EXD3: variants seen among roughly 807,000 people sequenced by gnomAD.
The protein encoded by EXD3 is exonuclease mut-7 homolog.
EXD3 carries 92 observed loss-of-function variants against 98.0 expected under a neutral mutation model. The observed-to-expected ratio is 0.94, with a 90% CI of 0.79 to 1.12. The LOEUF is 1.12. Ranked by LOEUF, EXD3 falls within the 50% of genes most tolerant of loss-of-function variation. The pLI is 0.00. For missense variants in EXD3, 1,222 were observed against 1,191.6 expected, an observed-to-expected ratio of 1.03 and a Z score of -0.38; for synonymous variants, 569 against 526.0, an observed-to-expected ratio of 1.08 and a Z score of -1.12.
At position 137,332,580 on chromosome 9, in the gene EXD3, A is replaced by C. The variant is rs375075205; in HGVS notation, c.1999-8437T>G. On this transcript the variant is annotated intron_variant, in intron 17 of 21. Transcript: ENST00000340951. ...TGGTATTGGCCAGGCGCAGTGGCTC[A>C]CGCCTGTAATCCCAGCACTTTGGGA... Among the ~76,000 whole-genome samples the C allele has an allele frequency of 2.9e-3, 440 of 150,448 alleles. 2 individuals carry two copies. The highest frequency in any genetic ancestry group is 0.024 in the East Asian group (121 of 5,094).
At chr9:137,315,842 G>A (rs1831619693) in intron 19 of EXD3, among the ~76,000 whole-genome samples, 1 of 151,810 alleles carries the variant, frequency 6.6e-6, no homozygotes, top group Non-Finnish European at 1.5e-5. Flanking sequence ...CCTGCCTTGG[G>A]TCAAACCAAA....
chr9:137,368,090 T>C (rs1306977786), intron 5 of EXD3, 101 bp from the exon 6 acceptor site: 4 of 988,562 alleles, frequency 4.0e-6, no homozygotes, highest in East Asian at 5.2e-5. Context: ...ACCTGGTCAC[T>C]GAGGCCGGAG....
At position 137,324,227 on chromosome 9, in the gene EXD3, C is replaced by A; in HGVS notation, c.1999-84G>T. Reference sequence around the variant, plus strand: ...CACCTCTGCTCGCCACCCCCTAGCTCCCCGGATCGTGGCCCTGCCCCAGGC... The same window carrying A: ...CACCTCTGCTCGCCACCCCCTAGCTACCCGGATCGTGGCCCTGCCCCAGGC... On this transcript the variant is annotated intron_variant, in intron 17 of 21. Transcript: ENST00000340951. This position sits in a 1 kb window ranked among gnomAD's most constrained non-coding sequence, Gnocchi z 4.1. 1 of 1,230,064 alleles carries A rather than the reference C, an allele frequency of 8.1e-7. No homozygotes were observed. The highest frequency in any genetic ancestry group is 1.2e-6 in the Non-Finnish European group (1 of 866,392). 76.2% of individuals were successfully genotyped at this position (1,230,064 alleles called of 1,614,324 possible). A position where few individuals can be genotyped will look rare whatever the true frequency, so the allele number is the denominator to read the frequency against.
chr9:137,348,329 ACT>A, intron 16 of EXD3, 91 bp from the exon 17 acceptor site: 1 of 1,333,504 alleles, frequency 7.5e-7, no homozygotes, highest in Non-Finnish European at 1.0e-6. Context: ...TGTGGCCAGC[ACT>A]CTGTCTCTGT....
At chr9:137,314,419 C>T (rs1831529817) in intron 19 of EXD3, among the ~76,000 whole-genome samples, 2 of 152,176 alleles carry the variant, frequency 1.3e-5, no homozygotes, top group South Asian at 4.1e-4. Context: ...CCCCTGGCCC[C>T]TGGGGAGGTG....
chr9:137,354,639 G>A lies in EXD3; in HGVS notation c.831+61C>T, dbSNP rs369068851. 1.8e-3 allele frequency: 2,842 copies of A among 1,601,142 alleles called. 5 individuals carry two copies. The highest frequency in any genetic ancestry group is 2.3e-3 in the Non-Finnish European group (2,712 of 1,178,006). On this transcript the variant is annotated intron_variant, in intron 9 of 21. Transcript: ENST00000340951. ...CTGCAGTGCGCAGTGAGTATCCCAG[G>A]CCAAACTCTGTGGCTCAGGCCGCGG...
intron 17 of EXD3, among the ~76,000 whole-genome samples, chr9:137,328,588 G>T (rs1378515349): frequency 1.0e-4 from 2 of 19,902 alleles, no homozygotes; most frequent in Admixed American, 3.9e-4. Context: ...GGAGCTACAC[G>T]GGACTACACG....
At chr9:137,328,121 A>G in intron 17 of EXD3, among the ~76,000 whole-genome samples, 2 of 151,246 alleles carry the variant, frequency 1.3e-5, no homozygotes, top group Non-Finnish European at 1.5e-5. Flanking sequence ...CACCCATATG[A>G]TGAGTAAAAA....
intron 21 of EXD3, 28 bp downstream of exon 21, chr9:137,307,580 G>C: frequency 6.2e-7 from 1 of 1,608,340 alleles, no homozygotes; most frequent in South Asian, 1.1e-5. Context: ...AAGCAGCTGT[G>C]TCCTTGGTGG....
At chr9:137,378,680 AG>A (rs2131703113) in intron 3 of EXD3, among the ~76,000 whole-genome samples, 1 of 152,362 alleles carries the variant, frequency 6.6e-6, no homozygotes, top group East Asian at 1.9e-4. Flanking sequence ...AAAAGGAGGA[AG>A]CTGACACAGA....
chr9:137,316,003 C>T (rs1831630711), intron 19 of EXD3, among the ~76,000 whole-genome samples: 1 of 150,896 alleles, frequency 6.6e-6, no homozygotes, highest in Admixed American at 6.6e-5. Flanking sequence ...CTGAGCCTCC[C>T]AAGGGAAGTC....
At chr9:137,381,743 G>A (rs980760337) in intron 3 of EXD3, among the ~76,000 whole-genome samples, 2 of 152,308 alleles carry the variant, frequency 1.3e-5, no homozygotes, top group African/African-American at 2.4e-5. Context: ...GGGGCACCCG[G>A]CGTCTGTGCC....
In EXD3 at chr9:137,307,010, C is replaced by T; in HGVS notation, c.2571G>A (p.Glu857=). Residue 857 remains glutamate (E), a synonymous_variant, in exon 22 of 22, where the codon GAG becomes GAA. Coordinates refer to ENST00000340951, the MANE Select transcript of EXD3 (RefSeq NM_017820.5). ...TCGGCTCGCAGGGGCTGGGGGCGCTCTCCAGCATGTCTCGGAAGTGGGTGG... is the reference window on the plus strand; with the variant it reads ...TCGGCTCGCAGGGGCTGGGGGCGCTTTCCAGCATGTCTCGGAAGTGGGTGG... ...RVATHFRDML[E]SAPSPCEPSP... 6.2e-7 allele frequency: 1 copy of T among 1,611,706 alleles called. No individual in the cohort carries two copies. Among genetic ancestry groups the T allele is most frequent in the Non-Finnish European group, 8.5e-7 (1 of 1,179,384 alleles).
At chr9:137,323,512 T>C (rs371114644) in intron 19 of EXD3, among the ~76,000 whole-genome samples, 40 of 51,856 alleles carry the variant, frequency 7.7e-4, no homozygotes, top group South Asian at 1.5e-3. Context: ...TGCCGACACC[T>C]CACCCCGGAC....
intron 1 of EXD3, among the ~76,000 whole-genome samples, chr9:137,415,992 T>C (rs923516436): frequency 6.6e-6 from 1 of 152,228 alleles, no homozygotes; most frequent in African/African-American, 2.4e-5. Flanking sequence ...TTGTATTTTC[T>C]GAATACTACA....
In EXD3 at chr9:137,349,616, GGCTCTGGAGGAGGCCCCGCCC is replaced by G; in HGVS notation, c.1495-106_1495-86del. 4 of 1,376,016 alleles carry G rather than the reference GGCTCTGGAGGAGGCCCCGCCC, an allele frequency of 2.9e-6. No homozygotes were observed. Among genetic ancestry groups the G allele is most frequent in the Non-Finnish European group, 3.8e-6 (4 of 1,051,936 alleles). The allele number at this position is 1,376,016 out of a possible 1,614,324, so 85.2% of individuals were successfully genotyped here. ...TGCCCACTCACACCAGCCCTGCGGG[GGCTCTGGAGGAGGCCCCGCCC>G]CCTCCACCAGCGGCCCCCACAGCAG... On this transcript the variant is annotated intron_variant, in intron 14 of 21. Coordinates refer to ENST00000340951, the MANE Select transcript of EXD3 (RefSeq NM_017820.5). The surrounding 1 kb of genome is among the most constrained non-coding windows in gnomAD (Gnocchi z 7.4).
chr9:137,352,010 G>A, intron 12 of EXD3, 56 bp downstream of exon 12: 1 of 1,553,292 alleles, frequency 6.4e-7, no homozygotes, highest in East Asian at 2.4e-5. Context: ...TGCTCCTCCA[G>A]TGCCTGGCAG....
At chr9:137,390,584 T>A (rs1836853454) in intron 2 of EXD3, among the ~76,000 whole-genome samples, 1 of 152,124 alleles carries the variant, frequency 6.6e-6, no homozygotes, top group African/African-American at 2.4e-5. Flanking sequence ...ATCATTCAGA[T>A]GAGAAAACAG....
At chr9:137,313,015 C>T (rs2119054403) in intron 19 of EXD3, among the ~76,000 whole-genome samples, 1 of 152,304 alleles carries the variant, frequency 6.6e-6, no homozygotes, top group East Asian at 1.9e-4. Flanking sequence ...GTGGCTGGTG[C>T]ACAGGAGTGG....
Sources: allele counts gnomAD v4.1 joint callset (sites outside exome capture counted in the v4.1 genomes callset), GRCh38; gene constraint gnomAD v4.1.1; non-coding constraint Gnocchi (gnomAD v3.1); transcripts MANE v1.5; gene names NCBI Gene and HGNC (gene_info 2026-07-23, HGNC 2026-07-21).